Variants in AKAP13 observed in about 807,000 individuals in gnomAD.
AKAP13 encodes A-kinase anchor protein 13.
In AKAP13, 80 loss-of-function variants were observed where a neutral mutation model predicts 264.5. The ratio of observed to expected loss-of-function variants is 0.30; its 90% CI spans 0.25 to 0.36. The LOEUF is 0.36. AKAP13 is among the 10% of genes least tolerant of loss of function. AKAP13 has a pLI of 1.00. For synonymous variants in AKAP13, 1,380 were observed against 1,250.2 expected (o/e 1.10, Z -2.19); for missense variants, 3,712 against 3,435.2 (o/e 1.08, Z -2.01).
At chr15:85,627,391 T>C (rs1000448676) in intron 8 of AKAP13, among the ~76,000 whole-genome samples, 2 of 152,186 alleles carry the variant, frequency 1.3e-5, no homozygotes, top group African/African-American at 2.4e-5. Context: ...GATGTATACC[T>C]TTTATGTGCT....
chr15:85,481,566 G>A (rs1288197540), intron 1 of AKAP13, among the ~76,000 whole-genome samples: 1 of 152,116 alleles, frequency 6.6e-6, no homozygotes, highest in African/African-American at 2.4e-5. Flanking sequence ...AAAATAAAGT[G>A]GAAAATGTGG....
intron 16 of AKAP13, chr15:85,693,061 G>A (rs956453351): frequency 9.4e-5 from 66 of 703,016 alleles, no homozygotes; most frequent in African/African-American, 7.4e-5. Flanking sequence ...GAACTGTTCC[G>A]CCTGCCCAGT....
At chr15:85,662,646 G>T (rs1250369069) in intron 12 of AKAP13, among the ~76,000 whole-genome samples, 8 of 152,208 alleles carry the variant, frequency 5.3e-5, no homozygotes, top group Non-Finnish European at 1.2e-4. Flanking sequence ...TAAGAGTCGG[G>T]TGATGCATCC....
At chr15:85,524,647 G>A (rs1046580156) in intron 3 of AKAP13, among the ~76,000 whole-genome samples, 3 of 152,104 alleles carry the variant, frequency 2.0e-5, no homozygotes, top group Non-Finnish European at 4.4e-5. Flanking sequence ...ATGTTAGTCT[G>A]TAACCTTTTA....
chr15:85,582,070 G>A lies in AKAP13; in HGVS notation c.4002G>A (p.Lys1334=). The part of the protein sequence containing the change: ...GCFAGREEPE[K]IILPVQGPEP... ...TTGCTGGAAGGGAGGAGCCAGAGAA[G>A]ATCATTTTACCTGTCCAGGGGCCTG... The change falls in exon 7 of 37, where the codon AAG becomes AAA. Residue 1334 remains lysine (K), a synonymous_variant. Coordinates refer to ENST00000394518, the MANE Select transcript of AKAP13 (RefSeq NM_007200.5). The A allele has an allele frequency of 1.9e-6, 3 of 1,612,552 alleles. No individual in the cohort carries two copies. The highest frequency in any genetic ancestry group is 1.7e-6 in the Non-Finnish European group (2 of 1,179,388).
intron 1 of AKAP13, among the ~76,000 whole-genome samples, chr15:85,447,471 C>A (rs558548108): frequency 6.6e-6 from 1 of 152,092 alleles, no homozygotes; most frequent in East Asian, 1.9e-4. Flanking sequence ...TTACATCACC[C>A]AGGTATTAAG....
At chr15:85,396,901 CTTTTT>C (rs34499592) in intron 1 of AKAP13, among the ~76,000 whole-genome samples, 1 of 114,630 alleles carries the variant, frequency 8.7e-6, no homozygotes, top group Non-Finnish European at 1.8e-5. Flanking sequence ...GTATGTTAGA[CTTTTT>C]TTTTTTTTTT....
intron 5 of AKAP13, among the ~76,000 whole-genome samples, chr15:85,557,311 A>G (rs2078186057): frequency 6.6e-6 from 1 of 152,196 alleles, no homozygotes. Context: ...AGATTAAATA[A>G]GATATTTATG....
intron 1 of AKAP13, among the ~76,000 whole-genome samples, chr15:85,387,132 C>T (rs952582183): frequency 1.5e-4 from 22 of 151,686 alleles, no homozygotes; most frequent in East Asian, 3.9e-4. Context: ...ATCAGGAGTT[C>T]GAGACCAGCC....
intron 36 of AKAP13, 156 bp from the exon 37 acceptor site, chr15:85,744,472 C>G (rs1249853028): frequency 9.2e-6 from 7 of 761,416 alleles, no homozygotes; most frequent in East Asian, 2.5e-5. Flanking sequence ...ACCTTATTAA[C>G]CAAATTTGTT....
At chr15:85,494,408 G>A (rs1161437292) in intron 2 of AKAP13, among the ~76,000 whole-genome samples, 2 of 152,194 alleles carry the variant, frequency 1.3e-5, no homozygotes, top group Non-Finnish European at 2.9e-5. Flanking sequence ...CAGGCCTGAA[G>A]CTCTGCAAGG....
intron 1 of AKAP13, among the ~76,000 whole-genome samples, chr15:85,399,865 CTTCTACACAAAGAGCCCTGTGAAAGAT>C (rs2071340094): frequency 1.3e-5 from 2 of 152,210 alleles, no homozygotes; most frequent in African/African-American, 4.8e-5. Flanking sequence ...GTAAGGTCCT[CTTCTACACAAAGAGCCCTGTGAAAGAT>C]GATCTGTGGC....
Position 85,446,293 on chromosome 15 carries a change from G to A in AKAP13, c.-11-39417G>A, listed in dbSNP as rs557679810. ...GAATAGGTCCAGGAGTGAGGACAAC[G>A]ACTTGGGCAGCAGGGGTGGATAAGG... On this transcript the variant is annotated intron_variant, in intron 1 of 36. Transcript: ENST00000394518. 1.1e-4 allele frequency among the ~76,000 whole-genome samples: 17 copies of A among 152,274 alleles called. No homozygotes were observed. In the South Asian group the frequency reaches 3.1e-3, roughly 28 times the overall value.
At chr15:85,562,588 T>A (rs865994728) in intron 5 of AKAP13, among the ~76,000 whole-genome samples, 39,684 of 115,984 alleles carry the variant, frequency 0.34, 8,285 homozygotes, top group East Asian at 0.56. Context: ...TATATATATA[T>A]ATATATATAT....
At chr15:85,675,958 C>T (rs2084204336) in intron 14 of AKAP13, among the ~76,000 whole-genome samples, 1 of 151,696 alleles carries the variant, frequency 6.6e-6, no homozygotes, top group Non-Finnish European at 1.5e-5. Flanking sequence ...ATCGCCCGGG[C>T]TGGAATGTAG....
intron 2 of AKAP13, among the ~76,000 whole-genome samples, chr15:85,506,741 C>T (rs1297315420): frequency 6.6e-6 from 1 of 152,114 alleles, no homozygotes; most frequent in Non-Finnish European, 1.5e-5. Flanking sequence ...TGTTTATGAT[C>T]GTCTTGCCTG....
intron 1 of AKAP13, among the ~76,000 whole-genome samples, chr15:85,465,137 T>C (rs1289133938): frequency 6.7e-6 from 1 of 148,264 alleles, no homozygotes; most frequent in Non-Finnish European, 1.5e-5. Context: ...TTTTTTTTAG[T>C]AGAGACGGGG....
At position 85,719,189 on chromosome 15, in the gene AKAP13, T is replaced by G. The variant is rs752876012; in HGVS notation, c.6115T>G (p.Phe2039Val). 1 of 1,614,192 alleles carries G rather than the reference T, an allele frequency of 6.2e-7. No individual in the cohort carries two copies. The highest frequency in any genetic ancestry group is 1.7e-5 in the Admixed American group (1 of 60,012). ...LFEQQMVEKL[F>V]PCLDELISIH... is the part of the protein sequence containing the mutation. ...TGAGCAGCAGATGGTAGAAAAGCTG[T>G]TCCCCTGTTTGGATGAGCTGATCAG... The change falls in exon 23 of 37, where the codon TTC (phenylalanine) becomes GTC (valine). Residue 2039 changes from phenylalanine (F) to valine (V), a missense_variant. By Grantham distance (50) the Phe-to-Val change is conservative (BLOSUM62 -1). Coordinates refer to ENST00000394518, the MANE Select transcript of AKAP13 (RefSeq NM_007200.5).
At chr15:85,605,160 G>T (rs1202708932) in intron 8 of AKAP13, among the ~76,000 whole-genome samples, 2 of 152,132 alleles carry the variant, frequency 1.3e-5, no homozygotes, top group Non-Finnish European at 2.9e-5. Flanking sequence ...CATACATCCC[G>T]TTATTTTTTG....
Sources: gnomAD v4.1 joint callset for allele counts (sites outside exome capture counted in the v4.1 genomes callset) on GRCh38, gnomAD v4.1.1 for gene constraint, MANE v1.5 for transcripts, NCBI Gene and HGNC (gene_info 2026-07-23, HGNC 2026-07-21) for gene names.